Variants in CCSER1 observed in about 807,000 individuals in gnomAD.
The protein encoded by CCSER1 is serine-rich coiled-coil domain-containing protein 1.
In CCSER1, 41 loss-of-function variants were observed where a neutral mutation model predicts 82.0. The observed-to-expected ratio is 0.50, with a 90% CI of 0.39 to 0.65. The LOEUF (loss-of-function observed/expected upper bound fraction) is 0.65, where lower values mean the gene tolerates loss of function less well. CCSER1 is among the 30% of genes least tolerant of loss of function. The probability of loss-of-function intolerance (pLI) is 0.00; values close to 1 mark genes in which losing one functional copy is unlikely to be tolerated. For missense variants in CCSER1, 1,119 were observed against 1,064.2 expected (o/e 1.05, Z -0.72); for synonymous variants, 414 against 383.9 (o/e 1.08, Z -0.92).
intron 10 of CCSER1, among the ~76,000 whole-genome samples, chr4:91,575,724 A>C (rs1425951650): frequency 6.6e-6 from 1 of 151,974 alleles, no homozygotes; most frequent in East Asian, 1.9e-4. Context: ...AAGGAGGCAT[A>C]CAATTTGTCA....
intron 5 of CCSER1, among the ~76,000 whole-genome samples, chr4:90,500,106 C>A (rs1769629575): frequency 1.3e-5 from 2 of 151,910 alleles, no homozygotes; most frequent in African/African-American, 2.4e-5. Flanking sequence ...AAGACCCTGG[C>A]GTTTGAAGGG....
chr4:90,946,458 T>G (rs1018170159), intron 9 of CCSER1, among the ~76,000 whole-genome samples: 2 of 151,948 alleles, frequency 1.3e-5, no homozygotes, highest in Admixed American at 6.6e-5. Context: ...TGGTGAAAAC[T>G]TGTCTCTACT....
At chr4:90,276,812 G>A (rs72879731) in intron 1 of CCSER1, among the ~76,000 whole-genome samples, 1 of 152,012 alleles carries the variant, frequency 6.6e-6, no homozygotes, top group Non-Finnish European at 1.5e-5. Flanking sequence ...TCACCTCCTT[G>A]GTTAGATGCA....
chr4:90,823,682 T>C (rs1760072077), intron 8 of CCSER1, among the ~76,000 whole-genome samples: 1 of 152,118 alleles, frequency 6.6e-6, no homozygotes, highest in African/African-American at 2.4e-5. Flanking sequence ...TTTGGACATT[T>C]TAGTTTATAA....
chr4:91,330,199 GA>G (rs1393351400), intron 10 of CCSER1, among the ~76,000 whole-genome samples: 1 of 152,098 alleles, frequency 6.6e-6, no homozygotes, highest in African/African-American at 2.4e-5. Context: ...TATAATTGCA[GA>G]AATGTTATTT....
chr4:90,963,891 G>C (rs1581216373), intron 9 of CCSER1, among the ~76,000 whole-genome samples: 1 of 152,150 alleles, frequency 6.6e-6, no homozygotes. Context: ...AAGAAGTTAG[G>C]AGTTGTCAAA....
chr4:90,374,411 AG>A (rs1561121583), intron 3 of CCSER1, among the ~76,000 whole-genome samples: 1 of 152,130 alleles, frequency 6.6e-6, no homozygotes. Flanking sequence ...CTTTTTTGGG[AG>A]GGGGGATTTC....
Position 91,602,851 on chromosome 4 carries a change from C to T in CCSER1, c.*3794C>T, listed in dbSNP as rs77206889. 0.013 allele frequency among the ~76,000 whole-genome samples: 1,962 copies of T among 151,964 alleles called. 31 individuals carry two copies. Among genetic ancestry groups the T allele is most frequent in the African/African-American group, 0.042 (1,760 of 41,480 alleles). On this transcript the variant is annotated 3_prime_UTR_variant, in exon 11 of 11. Transcript: ENST00000509176. Reference sequence around the variant, plus strand: ...GATAATATTAGCTCAAATGTAGCACCCATTCATTTATACCAGGATTTTGAT... The same window carrying T: ...GATAATATTAGCTCAAATGTAGCACTCATTCATTTATACCAGGATTTTGAT...
At chr4:90,297,207 A>G (rs1295271097) in intron 1 of CCSER1, among the ~76,000 whole-genome samples, 2 of 150,226 alleles carry the variant, frequency 1.3e-5, no homozygotes, top group Non-Finnish European at 2.9e-5. Flanking sequence ...GAGGTCCTTC[A>G]CATCCCTTGT....
chr4:90,404,041 ATGGGAGGCTCGTGGTCCGGGGCAAG>A (rs1483555660), intron 4 of CCSER1: 1 of 152,160 alleles, frequency 6.6e-6, no homozygotes, highest in African/African-American at 2.4e-5. Context: ...TGCTTTCTCA[ATGGGAGGCTCGTGGTCCGGGGCAAG>A]TTCTCAGTTC....
At chr4:90,717,458 T>A (rs1741826354) in intron 6 of CCSER1, among the ~76,000 whole-genome samples, 1 of 152,088 alleles carries the variant, frequency 6.6e-6, no homozygotes, top group Non-Finnish European at 1.5e-5. Flanking sequence ...CAAGGGGTAG[T>A]CCAGATTTAG....
intron 3 of CCSER1, among the ~76,000 whole-genome samples, chr4:90,388,043 G>A (rs1578221760): frequency 6.6e-6 from 1 of 152,290 alleles, no homozygotes; most frequent in South Asian, 2.1e-4. Flanking sequence ...ATATCACCAT[G>A]AGAAAGAAGA....
At chr4:90,574,508 T>A (rs1376862884) in intron 5 of CCSER1, among the ~76,000 whole-genome samples, 1 of 151,370 alleles carries the variant, frequency 6.6e-6, no homozygotes, top group Non-Finnish European at 1.5e-5. Context: ...GACCTCATGA[T>A]CCACCCGCCT....
chr4:90,796,428 A>AC (rs1756047592), intron 7 of CCSER1, among the ~76,000 whole-genome samples: 1 of 150,972 alleles, frequency 6.6e-6, no homozygotes, highest in Non-Finnish European at 1.5e-5. Context: ...TAAAAAAAAA[A>AC]AAAAAAACAG....
chr4:90,155,805 G>T (rs534649355), intron 1 of CCSER1, among the ~76,000 whole-genome samples: 243 of 151,310 alleles, frequency 1.6e-3, no homozygotes, highest in African/African-American at 5.7e-3. Context: ...CAATTTTGTT[G>T]ATCCTTTCAA....
intron 8 of CCSER1, chr4:90,838,810 C>A: frequency 6.6e-7 from 1 of 1,519,600 alleles, no homozygotes; most frequent in Non-Finnish European, 9.1e-7. Context: ...GATCCAACCT[C>A]TTTGCATCTT....
intron 1 of CCSER1, among the ~76,000 whole-genome samples, chr4:90,131,775 TG>T (rs996742719): frequency 6.6e-6 from 1 of 152,222 alleles, no homozygotes; most frequent in Non-Finnish European, 1.5e-5. Context: ...AACAATTTTA[TG>T]GCTATTTTAA....
chr4:90,739,774 T>C (rs1746239828), intron 7 of CCSER1, among the ~76,000 whole-genome samples: 1 of 152,186 alleles, frequency 6.6e-6, no homozygotes, highest in Non-Finnish European at 1.5e-5. Flanking sequence ...CCACAATTAG[T>C]GCACTGTACC....
intron 1 of CCSER1, among the ~76,000 whole-genome samples, chr4:90,305,237 C>T (rs1198116581): frequency 1.3e-5 from 2 of 151,996 alleles, no homozygotes; most frequent in African/African-American, 4.8e-5. Context: ...TAATGCTGAT[C>T]CAAATGCAGG....
Sources: allele counts gnomAD v4.1 joint callset (sites outside exome capture counted in the v4.1 genomes callset), GRCh38; gene constraint gnomAD v4.1.1; transcripts MANE v1.5; gene names NCBI Gene and HGNC (gene_info 2026-07-23, HGNC 2026-07-21).